The following COL25A1 variants were observed in gnomAD, a reference collection of about 807,000 sequenced individuals.
COL25A1 encodes the protein collagen alpha-1(XXV) chain.
A neutral mutation model predicts 128.4 loss-of-function variants in COL25A1; 103 were observed. That is an observed-to-expected ratio of 0.80 (90% CI 0.68 to 0.94). The LOEUF is 0.94. Ranked by LOEUF, COL25A1 falls within the 40% of genes least tolerant of loss-of-function variation. The pLI is 0.00. For missense variants in COL25A1, 745 were observed against 840.0 expected, an observed-to-expected ratio of 0.89 and a Z score of 1.40; for synonymous variants, 279 against 277.2, an observed-to-expected ratio of 1.01 and a Z score of -0.06.
chr4:109,132,838 T>C (rs989088270), intron 3 of COL25A1, among the ~76,000 whole-genome samples: 28 of 152,240 alleles, frequency 1.8e-4, no homozygotes, highest in African/African-American at 6.3e-4. Flanking sequence ...TGTGGAAATA[T>C]GTTCTGCTTT....
chr4:108,879,446 T>C (rs1739849455), intron 19 of COL25A1, among the ~76,000 whole-genome samples: 1 of 152,210 alleles, frequency 6.6e-6, no homozygotes, highest in South Asian at 2.1e-4. Context: ...ATATGGGTTT[T>C]TTTTGTTGTT....
At chr4:108,852,802 A>G (rs2125774615) in intron 25 of COL25A1, 100 bp downstream of exon 25, 4 of 849,884 alleles carry the variant, frequency 4.7e-6, no homozygotes, top group Non-Finnish European at 7.5e-6. Context: ...AAAATTAAGT[A>G]TCAGATAAAA....
chr4:109,288,171 C>T (rs1724075048), intron 3 of COL25A1, among the ~76,000 whole-genome samples: 2 of 152,138 alleles, frequency 1.3e-5, no homozygotes, highest in South Asian at 4.1e-4. Flanking sequence ...CAGTCCTTCC[C>T]CTTCCTCAGC....
chr4:108,849,651 T>C (rs1409049484), intron 26 of COL25A1, among the ~76,000 whole-genome samples: 1 of 152,220 alleles, frequency 6.6e-6, no homozygotes, highest in African/African-American at 2.4e-5. Context: ...GAGTCATTTA[T>C]GTGGATCCCA....
chr4:109,140,996 A>G (rs992839198), intron 3 of COL25A1, among the ~76,000 whole-genome samples: 3 of 152,142 alleles, frequency 2.0e-5, no homozygotes, highest in African/African-American at 7.2e-5. Flanking sequence ...GAGAGAGGAC[A>G]TCCTTATCTT....
At chr4:109,080,332 T>C (rs933699109) in intron 3 of COL25A1, among the ~76,000 whole-genome samples, 2 of 152,094 alleles carry the variant, frequency 1.3e-5, no homozygotes, top group African/African-American at 2.4e-5. Flanking sequence ...TGTTTCTCCA[T>C]GGATTTTAAA....
At chr4:109,014,229 T>G (rs149137924) in intron 5 of COL25A1, among the ~76,000 whole-genome samples, 427 of 151,924 alleles carry the variant, frequency 2.8e-3, no homozygotes, top group African/African-American at 9.7e-3. Flanking sequence ...ATCACTTGAG[T>G]CCGGGGGGCA....
In COL25A1 at chr4:109,196,795, C is replaced by T. The variant is rs901239405; in HGVS notation, c.367+103788G>A. 7.2e-5 allele frequency among the ~76,000 whole-genome samples: 11 copies of T among 152,124 alleles called. No individual in the cohort carries two copies. In the East Asian group the frequency reaches 1.9e-3, roughly 27 times the overall value. On this transcript the variant is annotated intron_variant, in intron 3 of 37. Transcript: ENST00000399132. ...CTGAGCAACACAGAAAAATCAATCA[C>T]CTGCAGAGACATTTTGATTATCAAT...
chr4:109,264,692 T>C (rs1042827095), intron 3 of COL25A1, among the ~76,000 whole-genome samples: 2 of 152,182 alleles, frequency 1.3e-5, no homozygotes, highest in East Asian at 1.9e-4. Context: ...CCATTTTTAA[T>C]TGGAGATGCC....
intron 3 of COL25A1, among the ~76,000 whole-genome samples, chr4:109,294,454 C>T (rs1724779700): frequency 6.6e-6 from 1 of 151,854 alleles, no homozygotes; most frequent in Non-Finnish European, 1.5e-5. Context: ...TGAATAAATC[C>T]CAAATGAAGC....
chr4:109,256,869 G>C (rs1195425217), intron 3 of COL25A1, among the ~76,000 whole-genome samples: 1 of 152,084 alleles, frequency 6.6e-6, no homozygotes, highest in Non-Finnish European at 1.5e-5. Flanking sequence ...GAGGTAACTG[G>C]AATCTAAGAA....
chr4:108,868,863 AG>A (rs1195640735), intron 20 of COL25A1, among the ~76,000 whole-genome samples: 2 of 149,308 alleles, frequency 1.3e-5, no homozygotes, highest in Non-Finnish European at 3.0e-5. Flanking sequence ...GAAAGAAGGA[AG>A]GAAGAGAGAG....
chr4:108,852,960 T>A, intron 24 of COL25A1, 35 bp from the exon 25 acceptor site: 1 of 1,595,342 alleles, frequency 6.3e-7, no homozygotes, highest in Non-Finnish European at 8.6e-7. Flanking sequence ...GACAGAGTTA[T>A]CTATTTTGTG....
At position 109,126,071 on chromosome 4, in the gene COL25A1, T is replaced by C. The variant is rs113227959; in HGVS notation, c.368-75892A>G. 2.7e-3 allele frequency among the ~76,000 whole-genome samples: 418 copies of C among 152,290 alleles called. 3 individuals carry two copies. The highest frequency in any genetic ancestry group is 9.1e-3 in the African/African-American group (379 of 41,568). On this transcript the variant is annotated intron_variant, in intron 3 of 37. Transcript: ENST00000399132. ...TATGTGCTTTGCTGTGCCGTAATAT[T>C]TTTTGTAGGAAGAAAACATGTATGT...
intron 24 of COL25A1, among the ~76,000 whole-genome samples, chr4:108,857,770 G>A (rs764737656): frequency 5.3e-5 from 8 of 152,042 alleles, no homozygotes; most frequent in East Asian, 3.9e-4. Flanking sequence ...TTGTACATAC[G>A]AATGAAGTAT....
At chr4:108,999,652 A>G (rs1275369991) in intron 6 of COL25A1, among the ~76,000 whole-genome samples, 1 of 152,214 alleles carries the variant, frequency 6.6e-6, no homozygotes, top group Non-Finnish European at 1.5e-5. Flanking sequence ...TGCTACTATA[A>G]AGACACATGC....
At position 108,823,135 on chromosome 4, in the gene COL25A1, T is replaced by C. The variant is rs939323295; in HGVS notation, c.1845+1039A>G. Among the ~76,000 whole-genome samples the C allele has an allele frequency of 2.0e-5, 3 of 152,240 alleles. No individual in the cohort carries two copies. In the East Asian group the frequency reaches 5.8e-4, roughly 29 times the overall value. On this transcript the variant is annotated intron_variant, in intron 35 of 37. Coordinates refer to ENST00000399132, the MANE Select transcript of COL25A1 (RefSeq NM_198721.4). ...AGCCTTGCTTGTCAACAGCTATGAA[T>C]GTCACTGTTCAAGAGAATTCATAAG...
At chr4:109,145,193 G>A (rs969744363) in intron 3 of COL25A1, among the ~76,000 whole-genome samples, 60 of 150,724 alleles carry the variant, frequency 4.0e-4, no homozygotes, top group African/African-American at 1.4e-3. Context: ...TCAGCCTCCC[G>A]AGTAGCTGGG....
At chr4:109,173,126 T>C (rs967750851) in intron 3 of COL25A1, among the ~76,000 whole-genome samples, 3 of 152,066 alleles carry the variant, frequency 2.0e-5, no homozygotes, top group African/African-American at 7.2e-5. Flanking sequence ...CACTCTGTCA[T>C]GCAGGCTGGA....
Sources: gnomAD v4.1 joint callset for allele counts (sites outside exome capture counted in the v4.1 genomes callset) on GRCh38, gnomAD v4.1.1 for gene constraint, MANE v1.5 for transcripts, NCBI Gene and HGNC (gene_info 2026-07-23, HGNC 2026-07-21) for gene names.